Variants in MARS1 observed in about 807,000 individuals in gnomAD.
MARS1 encodes the protein methionine--tRNA ligase, cytoplasmic.
In MARS1, 80 loss-of-function variants were observed where a neutral mutation model predicts 119.5. The observed-to-expected ratio is 0.67, with a 90% CI of 0.56 to 0.81. MARS1 has a LOEUF of 0.81. Among genes scored for constraint, MARS1 ranks in the 30% least tolerant of loss-of-function variants. The pLI is 0.00. For synonymous variants in MARS1, 418 were observed against 433.4 expected (o/e 0.96, Z 0.44); for missense variants, 945 against 1,116.5 (o/e 0.85, Z 2.19).
chr12:57,512,930 G>T lies in MARS1; in HGVS notation c.1933G>T (p.Glu645Ter). ...GGACCTGCTGCTGAAGAATAATTCT[G>T]AGCTGCTTAACAACCTGGGCAACTT... ...WTDLLLKNNS[E>*]LLNNLGNFIN... Residue 645 changes from glutamate (E) to a stop codon, truncating the protein, a stop_gained, in exon 15 of 21, where the codon GAG becomes TAG. Coordinates refer to ENST00000262027, the MANE Select transcript of MARS1 (RefSeq NM_004990.4). LOFTEE classifies it high-confidence loss of function. 6.2e-7 allele frequency: 1 copy of T among 1,614,210 alleles called. No individual in the cohort carries two copies. Among genetic ancestry groups the T allele is most frequent in the South Asian group, 1.1e-5 (1 of 91,076 alleles).
In MARS1 at chr12:57,500,482, G is replaced by T; in HGVS notation, c.1253G>T (p.Cys418Phe). 1 of 1,614,186 alleles carries T rather than the reference G, an allele frequency of 6.2e-7. No homozygotes were observed. Among genetic ancestry groups the T allele is most frequent in the Non-Finnish European group, 8.5e-7 (1 of 1,180,038 alleles). ...CGYEEARGDQ[C>F]DKCGKLINAV... Reference sequence around the variant, plus strand: ...TATGAGGAGGCTCGGGGTGACCAGTGTGACAAGTGTGGCAAGCTCATCAAT... The same window carrying T: ...TATGAGGAGGCTCGGGGTGACCAGTTTGACAAGTGTGGCAAGCTCATCAAT... Residue 418 changes from cysteine (C) to phenylalanine (F), a missense_variant, in exon 10 of 21, where the codon TGT becomes TTT. Coordinates refer to ENST00000262027, the MANE Select transcript of MARS1 (RefSeq NM_004990.4).
chr12:57,493,475 AAT>A (rs1239195590), intron 7 of MARS1, among the ~76,000 whole-genome samples: 7 of 450 alleles, frequency 0.016, 3 homozygotes, highest in South Asian at 1. Context: ...TATAATATAT[AAT>A]ATATAATATA....
chr12:57,490,848 TC>T (rs1875905076), intron 7 of MARS1, among the ~76,000 whole-genome samples: 1 of 141,512 alleles, frequency 7.1e-6, no homozygotes, highest in Admixed American at 7.0e-5. Context: ...ATCTGTCCCA[TC>T]TGCACCCATG....
At chr12:57,491,140 T>C (rs1217388576) in intron 7 of MARS1, among the ~76,000 whole-genome samples, 4 of 152,048 alleles carry the variant, frequency 2.6e-5, no homozygotes, top group Admixed American at 6.6e-5. Context: ...CCCAAAGTGC[T>C]GGGATTACAG....
intron 10 of MARS1, chr12:57,503,868 T>TATATAA (rs1877054844): frequency 5.2e-6 from 1 of 193,272 alleles, no homozygotes; most frequent in Non-Finnish European, 1.1e-5. Context: ...AAGCCATCTC[T>TATATAA]CCCTGACTTG....
intron 7 of MARS1, among the ~76,000 whole-genome samples, chr12:57,497,268 TAGTG>T (rs924768322): frequency 7.2e-5 from 11 of 152,090 alleles, no homozygotes; most frequent in Non-Finnish European, 1.2e-4. Context: ...CACAAGAAAT[TAGTG>T]AGATGCGTTT....
rs1565635767 is a variant in MARS1 at position 57,488,205 on chromosome 12, C to A, written c.109+6C>A. 1 of 1,606,108 alleles carries A rather than the reference C, an allele frequency of 6.2e-7. No homozygotes were observed. The highest frequency in any genetic ancestry group is 1.1e-5 in the South Asian group (1 of 90,890). On this transcript the variant is annotated splice_donor_region_variant and intron_variant, in intron 1 of 20. Coordinates refer to ENST00000262027, the MANE Select transcript of MARS1 (RefSeq NM_004990.4). ...CAGCACTGTAGGCCCGGAAGGTACT[C>A]GTGCTGGTGCTGGTGGGCGGTGGAT... is the stretch of plus-strand genomic sequence containing the variant.
intron 11 of MARS1, among the ~76,000 whole-genome samples, chr12:57,509,506 A>G (rs1168933238): frequency 6.6e-6 from 1 of 152,114 alleles, no homozygotes; most frequent in Non-Finnish European, 1.5e-5. Flanking sequence ...TCCAGGATTC[A>G]AGCGATTCTC....
At chr12:57,508,479 C>T (rs996376870) in intron 11 of MARS1, among the ~76,000 whole-genome samples, 5 of 152,250 alleles carry the variant, frequency 3.3e-5, no homozygotes, top group Non-Finnish European at 5.9e-5. Flanking sequence ...GCCAACACAG[C>T]GAAACCCCGT....
At chr12:57,502,733 C>A (rs1669293) in intron 10 of MARS1, among the ~76,000 whole-genome samples, 123,548 of 137,174 alleles carry the variant, frequency 0.9, 56,201 homozygotes, top group South Asian at 0.98. Context: ...GCAACAACAA[C>A]AAAAAAAAAA....
chr12:57,515,370 T>TA, intron 18 of MARS1, 34 bp downstream of exon 18: 1 of 1,599,572 alleles, frequency 6.3e-7, no homozygotes, highest in Non-Finnish European at 8.5e-7. Context: ...TTAAAATTGA[T>TA]ACTCTTGCCA....
In MARS1 at chr12:57,504,297, A is replaced by C; in HGVS notation, c.1366A>C (p.Lys456Gln). The C allele has an allele frequency of 6.2e-7, 1 of 1,613,958 alleles. No individual in the cohort carries two copies. Among genetic ancestry groups the C allele is most frequent in the Non-Finnish European group, 8.5e-7 (1 of 1,179,836 alleles). Residue 456 changes from lysine (K) to glutamine (Q), a missense_variant and splice_region_variant, in exon 11 of 21, where the codon AAG (lysine) becomes CAG (glutamine). Physicochemically the swap from Lys to Gln is moderately conservative, Grantham distance 53 (BLOSUM62 1). Coordinates refer to ENST00000262027, the MANE Select transcript of MARS1 (RefSeq NM_004990.4). ...CCAGCACCTGTTTCTGGACCTGCCT[A>C]AGGTAAGTGAGCTTTTCTCTCAACC... is the stretch of plus-strand genomic sequence containing the variant. ...SSQHLFLDLP[K>Q]LEKRLEEWLG...
chr12:57,495,416 G>A (rs1415993166), intron 7 of MARS1, among the ~76,000 whole-genome samples: 4 of 149,242 alleles, frequency 2.7e-5, no homozygotes, highest in African/African-American at 1.0e-4. Context: ...CGGCGGGGCA[G>A]AGGCGCTCCC....
chr12:57,493,313 T>C (rs531608310), intron 7 of MARS1, among the ~76,000 whole-genome samples: 15 of 105,822 alleles, frequency 1.4e-4, no homozygotes, highest in African/African-American at 4.8e-4. Context: ...TAATATATAT[T>C]ATATAATATA....
chr12:57,511,549 C>T, intron 11 of MARS1, 149 bp from the exon 12 acceptor site: 1 of 731,736 alleles, frequency 1.4e-6, no homozygotes, highest in Non-Finnish European at 2.3e-6. Flanking sequence ...CACCACTGCA[C>T]TCTAGTCTGG....
At position 57,504,229 on chromosome 12, in the gene MARS1, C is replaced by T. The variant is rs989362165; in HGVS notation, c.1298C>T (p.Pro433Leu). The T allele has an allele frequency of 6.2e-7, 1 of 1,613,762 alleles. No homozygotes were observed. The highest frequency in any genetic ancestry group is 1.3e-5 in the African/African-American group (1 of 74,902). Residue 433 changes from proline to leucine, a missense_variant, in exon 11 of 21, where the codon CCT (proline) becomes CTT (leucine). Transcript: ENST00000262027. ...CTCTGGAATTTTCCTTCGCAGAAGC[C>T]TCAGTGTAAAGTCTGCCGATCATGC... ...KLINAVELKK[P>L]QCKVCRSCPV...
At chr12:57,492,660 G>A (rs1425145345) in intron 7 of MARS1, among the ~76,000 whole-genome samples, 2 of 144,676 alleles carry the variant, frequency 1.4e-5, no homozygotes, top group African/African-American at 2.7e-5. Flanking sequence ...AACAGAGCGC[G>A]ACTCCATTTC....
chr12:57,497,664 G>A (rs1417727519), intron 7 of MARS1, among the ~76,000 whole-genome samples: 6 of 152,172 alleles, frequency 3.9e-5, no homozygotes, highest in Admixed American at 3.9e-4. Context: ...ACATGGGTTA[G>A]AGAGTCGGTA....
rs139466578 is a variant in MARS1, at chr12:57,501,075, G to T, written c.1293+553G>T. Among the ~76,000 whole-genome samples, 13 of 152,352 alleles carry T rather than the reference G, an allele frequency of 8.5e-5. No homozygotes were observed. In the East Asian group the frequency reaches 2.5e-3, roughly 29 times the overall value. ...GGTAGATAGGGAAGGCCTTTCAGAGGCAGTAACATTTGAACTGAGAGTTTA... is the reference window on the plus strand; with the variant it reads ...GGTAGATAGGGAAGGCCTTTCAGAGTCAGTAACATTTGAACTGAGAGTTTA... On this transcript the variant is annotated intron_variant, in intron 10 of 20. Coordinates refer to ENST00000262027, the MANE Select transcript of MARS1 (RefSeq NM_004990.4).
Sources: gnomAD v4.1 joint callset for allele counts (sites outside exome capture counted in the v4.1 genomes callset) on GRCh38, gnomAD v4.1.1 for gene constraint, MANE v1.5 for transcripts, NCBI Gene and HGNC (gene_info 2026-07-23, HGNC 2026-07-21) for gene names.